The following NLRC3 variants were observed in gnomAD, a reference collection of about 807,000 sequenced individuals.
The protein encoded by NLRC3 is NLR family CARD domain containing 3, also known as NLR family CARD domain-containing protein 3.
A neutral mutation model predicts 91.6 loss-of-function variants in NLRC3; 87 were observed. The ratio of observed to expected loss-of-function variants is 0.95; its 90% CI spans 0.80 to 1.14. NLRC3 has a LOEUF of 1.14. Ranked by LOEUF, NLRC3 falls within the 50% of genes most tolerant of loss-of-function variation. The pLI is 0.00. For missense variants in NLRC3, 1,577 were observed against 1,418.6 expected (o/e 1.11, Z -1.79); for synonymous variants, 694 against 625.3 (o/e 1.11, Z -1.64).
intron 8 of NLRC3, among the ~76,000 whole-genome samples, chr16:3,555,445 G>T (rs2039257330): frequency 6.6e-6 from 1 of 152,108 alleles, no homozygotes; most frequent in Non-Finnish European, 1.5e-5. Flanking sequence ...AGGGGAGAAT[G>T]GGAAGTGACT....
At chr16:3,550,673 C>A (rs1270198799) in intron 10 of NLRC3, among the ~76,000 whole-genome samples, 176 bp from the exon 11 acceptor site, 1 of 152,188 alleles carries the variant, frequency 6.6e-6, no homozygotes, top group Non-Finnish European at 1.5e-5. Context: ...CAAGTGACCA[C>A]CTGTTGTCTG....
chr16:3,546,061 G>A (rs2038674618), intron 15 of NLRC3, among the ~76,000 whole-genome samples: 1 of 152,080 alleles, frequency 6.6e-6, no homozygotes, highest in South Asian at 2.1e-4. Flanking sequence ...TGGATGGCAG[G>A]GACACAGAGG....
At position 3,539,085 on chromosome 16, in the gene NLRC3, G is replaced by A. The variant is rs970570116; in HGVS notation, c.*2740C>T. 5 of 152,132 alleles carry A rather than the reference G, an allele frequency of 3.3e-5. No homozygotes were observed. Among genetic ancestry groups the A allele is most frequent in the Admixed American group, 1.3e-4 (2 of 15,272 alleles). The allele number at this position is 152,132 out of a possible 1,614,324, so 9.4% of individuals were successfully genotyped here. A position where few individuals can be genotyped will look rare whatever the true frequency, so the allele number is the denominator to read the frequency against. ...AGTAGTTATCAAGAACAAAGTCCTC[G>A]GACTTCTGATGGGAAATCTGAACTG... On this transcript the variant is annotated 3_prime_UTR_variant, in exon 20 of 20. Transcript: ENST00000359128.
At chr16:3,542,333 G>A (rs776444456) in intron 18 of NLRC3, 59 bp from the exon 19 acceptor site, 30 of 1,070,760 alleles carry the variant, frequency 2.8e-5, no homozygotes, top group African/African-American at 7.8e-5. Flanking sequence ...GAAAACACCC[G>A]GGGAAGCAAC....
Position 3,540,550 on chromosome 16 carries a change from C to G in NLRC3, c.*1275G>C, listed in dbSNP as rs1053875227. 1 of 152,230 alleles carries G rather than the reference C, an allele frequency of 6.6e-6. No homozygotes were observed. Among genetic ancestry groups the G allele is most frequent in the Non-Finnish European group, 1.5e-5 (1 of 68,086 alleles). 9.4% of individuals were successfully genotyped at this position (152,230 alleles called of 1,614,324 possible). ...AGGTGCAGTGGCTCACACCTGTAAT[C>G]CCAGCACTTTGGGAGGCTGAGGTGG... On this transcript the variant is annotated 3_prime_UTR_variant, in exon 20 of 20. Transcript: ENST00000359128.
At chr16:3,550,306 G>A (rs2038925146) in intron 11 of NLRC3, 108 bp downstream of exon 11, 1 of 696,504 alleles carries the variant, frequency 1.4e-6, no homozygotes, top group Non-Finnish European at 2.6e-6. Flanking sequence ...CAGGGTTAGT[G>A]TTGGCAGGGA....
At chr16:3,569,371 C>T (rs1306227913) in intron 1 of NLRC3, among the ~76,000 whole-genome samples, 4 of 70,406 alleles carry the variant, frequency 5.7e-5, no homozygotes, top group African/African-American at 2.7e-4. Context: ...TTCTGAAAAC[C>T]ATATATATAT....
chr16:3,542,555 G>C, intron 18 of NLRC3, 137 bp downstream of exon 18: 1 of 641,464 alleles, frequency 1.6e-6, no homozygotes, highest in African/African-American at 1.8e-5. Flanking sequence ...GTGGAATGTG[G>C]ACTATAATAA....
At position 3,541,666 on chromosome 16, in the gene NLRC3, CCTCCTCCGGCA is replaced by C; in HGVS notation, c.*148_*158del. On this transcript the variant is annotated 3_prime_UTR_variant, in exon 20 of 20. Coordinates refer to ENST00000359128, the MANE Select transcript of NLRC3 (RefSeq NM_178844.4). ...CCTGCAGCAGAAGAGGAGCTCACGA[CCTCCTCCGGCA>C]GCACCTCTCCTTCCTCCCTGCAGAG... 1.6e-6 allele frequency: 1 copy of C among 614,790 alleles called. No homozygotes were observed. The highest frequency in any genetic ancestry group is 1.9e-5 in the South Asian group (1 of 51,814). The allele number at this position is 614,790 out of a possible 1,614,324, so 38.1% of individuals were successfully genotyped here.
At chr16:3,556,318 C>CAAAAAAAAAAAAAAAAAAAAA (rs199528753) in intron 8 of NLRC3, among the ~76,000 whole-genome samples, 1 of 38,736 alleles carries the variant, frequency 2.6e-5, no homozygotes, top group Non-Finnish European at 5.1e-5. Context: ...GAATCCGTCT[C>CAAAAAAAAAAAAAAAAAAAAA]AAAAAAAAAA....
At chr16:3,558,167 T>G (rs2039438248) in intron 6 of NLRC3, among the ~76,000 whole-genome samples, 1 of 151,880 alleles carries the variant, frequency 6.6e-6, no homozygotes, top group African/African-American at 2.4e-5. Flanking sequence ...CATAGGGAGA[T>G]CTTGTCTCCA....
At chr16:3,565,469 CAAAAAAAA>C (rs57860901) in intron 2 of NLRC3, 89 bp from the exon 3 acceptor site, 13 of 44,832 alleles carry the variant, frequency 2.9e-4, no homozygotes, top group Admixed American at 7.7e-4. Flanking sequence ...TGGGAAAAAG[CAAAAAAAA>C]AAAAAAAAAA....
intron 8 of NLRC3, 130 bp from the exon 9 acceptor site, chr16:3,554,455 C>A: frequency 1.5e-6 from 1 of 647,620 alleles, no homozygotes; most frequent in Admixed American, 2.4e-5. Context: ...CACCGCCCAC[C>A]ATGCAGGGAG....
chr16:3,551,958 C>T (rs1337126430), intron 10 of NLRC3, among the ~76,000 whole-genome samples: 4 of 151,180 alleles, frequency 2.6e-5, no homozygotes, highest in East Asian at 2.0e-4. Flanking sequence ...TCCATCCGTC[C>T]ACTCATCAGT....
At chr16:3,547,537 C>T (rs373095482) in intron 15 of NLRC3, among the ~76,000 whole-genome samples, 4 of 151,610 alleles carry the variant, frequency 2.6e-5, no homozygotes, top group Non-Finnish European at 4.4e-5. Flanking sequence ...GATCTTCTGG[C>T]GTGAAGATTA....
At chr16:3,550,388 A>G in intron 11 of NLRC3, 26 bp downstream of exon 11, 3 of 1,505,782 alleles carry the variant, frequency 2.0e-6, no homozygotes, top group East Asian at 2.3e-5. Flanking sequence ...CCCAGGGGGA[A>G]TCGTCACCCT....
chr16:3,554,147 C>T (rs2039163351), intron 9 of NLRC3, 95 bp downstream of exon 9: 2 of 953,082 alleles, frequency 2.1e-6, no homozygotes, highest in Non-Finnish European at 3.4e-6. Context: ...AGGTCCTAGC[C>T]CCATCCATTC....
At chr16:3,571,571 A>G (rs1286120850) in intron 1 of NLRC3, among the ~76,000 whole-genome samples, 1 of 150,488 alleles carries the variant, frequency 6.6e-6, no homozygotes, top group Non-Finnish European at 1.5e-5. Flanking sequence ...AGCAGAATTC[A>G]TGAAGAGGGA....
At chr16:3,567,642 G>T (rs544107142) in intron 1 of NLRC3, among the ~76,000 whole-genome samples, 1 of 151,480 alleles carries the variant, frequency 6.6e-6, no homozygotes, top group South Asian at 2.1e-4. Context: ...CATGGTGGTG[G>T]GCGCCTGTAA....
Sources: gnomAD v4.1 joint callset for allele counts (sites outside exome capture counted in the v4.1 genomes callset) on GRCh38, gnomAD v4.1.1 for gene constraint, MANE v1.5 for transcripts, NCBI Gene and HGNC (gene_info 2026-07-23, HGNC 2026-07-21) for gene names.